MGST1: variants seen among roughly 807,000 people sequenced by gnomAD.
MGST1 encodes glutathione S-transferase 12.
MGST1 carries 5 observed loss-of-function variants against 8.9 expected under a neutral mutation model. The observed-to-expected ratio is 0.56, with a 90% confidence interval of 0.29 to 1.19. MGST1 has a LOEUF of 1.19. MGST1 is among the 50% of genes most tolerant of loss of function. MGST1 has a pLI of 0.08. For missense variants in MGST1, 182 were observed against 187.4 expected, an observed-to-expected ratio of 0.97 and a Z score of 0.17; for synonymous variants, 54 against 67.8, an observed-to-expected ratio of 0.80 and a Z score of 1.00.
chr12:16,480,210 T>C (rs908655637), intron 4 of MGST1, among the ~76,000 whole-genome samples: 4 of 150,378 alleles, frequency 2.7e-5, no homozygotes, highest in Non-Finnish European at 5.9e-5. Context: ...TGGCATGATC[T>C]CGGCTCACTG....
chr12:16,456,148 A>T (rs1941170306), intron 4 of MGST1, among the ~76,000 whole-genome samples: 1 of 151,858 alleles, frequency 6.6e-6, no homozygotes, highest in Non-Finnish European at 1.5e-5. Flanking sequence ...CTATAATTTT[A>T]AAATAAAAAA....
intron 4 of MGST1, chr12:16,514,506 C>CA (rs1941598770): frequency 3.8e-6 from 1 of 261,174 alleles, no homozygotes; most frequent in Non-Finnish European, 7.7e-6. Context: ...CATCACTGCC[C>CA]AAATTGACAT....
chr12:16,474,418 A>G (rs961378265), intron 4 of MGST1, among the ~76,000 whole-genome samples: 1 of 152,210 alleles, frequency 6.6e-6, no homozygotes, highest in Non-Finnish European at 1.5e-5. Flanking sequence ...CATATTAGAA[A>G]ACCTTTGTGC....
intron 4 of MGST1, among the ~76,000 whole-genome samples, chr12:16,461,397 A>C (rs958115449): frequency 6.6e-6 from 1 of 152,198 alleles, no homozygotes; most frequent in African/African-American, 2.4e-5. Flanking sequence ...ACATCATTCC[A>C]AACAGTTTAT....
At chr12:16,519,645 C>T (rs1454756122) in intron 4 of MGST1, among the ~76,000 whole-genome samples, 2 of 970 alleles carry the variant, frequency 2.1e-3, no homozygotes, top group African/African-American at 2.8e-3. Context: ...AAATAGACTA[C>T]ATTTTTTTAC....
Position 16,453,263 on chromosome 12 carries a change from T to TA in MGST1, n.482+69660dup, listed in dbSNP as rs558344087. ...CTTTTAGACTTCAAAGAGAAGGAAA[T>TA]ATGTTTAGGACCTTCCTGATATAAA... On this transcript the variant is annotated intron_variant and non_coding_transcript_variant, in intron 4 of 4. Transcript: ENST00000538857. Among the ~76,000 whole-genome samples the TA allele has an allele frequency of 1.3e-3, 203 of 151,974 alleles. No homozygotes were observed. In the Middle Eastern group the frequency reaches 0.02, roughly 15 times the overall value.
At chr12:16,443,560 T>C (rs1941055064), downstream of MGST1, among the ~76,000 whole-genome samples, 2 of 151,872 alleles carry the variant, frequency 1.3e-5, no homozygotes, top group Admixed American at 6.6e-5. Context: ...TATTACAGTA[T>C]ACATTAAATT....
In MGST1 at chr12:16,587,998, G is replaced by T. The variant is rs530369721; in HGVS notation, n.483-1530G>T. On this transcript the variant is annotated intron_variant and non_coding_transcript_variant, in intron 4 of 4. Coordinates refer to the MGST1 transcript ENST00000538857. The surrounding 1 kb of genome is among the most constrained non-coding windows in gnomAD (Gnocchi z 4.3). Reference sequence around the variant, plus strand: ...TCCCTTTCTTTCAGATAATTACCCTGTCTTTCTCTTACGACTTCTTTCCCA... The same window carrying T: ...TCCCTTTCTTTCAGATAATTACCCTTTCTTTCTCTTACGACTTCTTTCCCA... Among the ~76,000 whole-genome samples, 4 of 152,042 alleles carry T rather than the reference G, an allele frequency of 2.6e-5. No homozygotes were observed. The highest frequency in any genetic ancestry group is 4.8e-5 in the African/African-American group (2 of 41,404).
chr12:16,527,805 T>C (rs1941696914), intron 4 of MGST1, among the ~76,000 whole-genome samples: 1 of 152,016 alleles, frequency 6.6e-6, no homozygotes, highest in South Asian at 2.1e-4. Context: ...TTTGCTGTGG[T>C]TGCTAATCCT....
chr12:16,547,560 A>G lies in MGST1; in HGVS notation n.483-41968A>G, dbSNP rs573096033. On this transcript the variant is annotated intron_variant and non_coding_transcript_variant, in intron 4 of 4. Transcript: ENST00000538857. This position sits in a 1 kb window ranked among gnomAD's most constrained non-coding sequence, Gnocchi z 4.6. ...AAGACATGTTAAAGTTATTTGATCT[A>G]GGCCAACCCTAAGTCTGCCCAACAG... Among the ~76,000 whole-genome samples, 1 of 152,260 alleles carries G rather than the reference A, an allele frequency of 6.6e-6. No individual in the cohort carries two copies. The highest frequency in any genetic ancestry group is 2.1e-4 in the South Asian group (1 of 4,832).
intron 4 of MGST1, among the ~76,000 whole-genome samples, chr12:16,480,566 A>G (rs1941357653): frequency 6.6e-6 from 1 of 152,248 alleles, no homozygotes; most frequent in Non-Finnish European, 1.5e-5. Flanking sequence ...TTAAAAGTCA[A>G]TAATAAAAAG....
At chr12:16,355,440 C>G (rs1026382504) in intron 2 of MGST1, among the ~76,000 whole-genome samples, 11 of 152,102 alleles carry the variant, frequency 7.2e-5, no homozygotes, top group African/African-American at 2.4e-4. Context: ...AACTCCTGAC[C>G]TCAGGTGATC....
downstream of MGST1, among the ~76,000 whole-genome samples, chr12:16,592,976 C>T (rs2137637739): frequency 6.6e-6 from 1 of 151,770 alleles, no homozygotes; most frequent in South Asian, 2.1e-4. Context: ...CTAAAATTAG[C>T]TTTTCCCTCT....
intron 1 of MGST1, among the ~76,000 whole-genome samples, chr12:16,436,622 AATT>A (rs1170888982): frequency 2.6e-5 from 4 of 152,016 alleles, no homozygotes; most frequent in Non-Finnish European, 5.9e-5. Flanking sequence ...TAATGATAAC[AATT>A]ATTATTAAAG....
rs746552871 is a variant in MGST1, at chr12:16,548,201, G to T, written n.483-41327G>T. ...AATAAATAGCGGTAAACGACCTAGC[G>T]CAGAGATCCTAAACATTACATTCAG... On this transcript the variant is annotated intron_variant and non_coding_transcript_variant, in intron 4 of 4. Coordinates refer to the MGST1 transcript ENST00000538857. The surrounding 1 kb of genome is among the most constrained non-coding windows in gnomAD (Gnocchi z 4.2). 6.6e-6 allele frequency among the ~76,000 whole-genome samples: 1 copy of T among 152,094 alleles called. No individual in the cohort carries two copies. The highest frequency in any genetic ancestry group is 1.5e-5 in the Non-Finnish European group (1 of 67,996).
At chr12:16,427,255 T>G (rs1940898937) in intron 1 of MGST1, among the ~76,000 whole-genome samples, 2 of 151,996 alleles carry the variant, frequency 1.3e-5, no homozygotes, top group Non-Finnish European at 2.9e-5. Flanking sequence ...GAGATACAGG[T>G]GATGAGTGGG....
At chr12:16,421,244 T>TC (rs1221569774) in intron 1 of MGST1, among the ~76,000 whole-genome samples, 1 of 152,036 alleles carries the variant, frequency 6.6e-6, no homozygotes, top group African/African-American at 2.4e-5. Flanking sequence ...TAGCCATATC[T>TC]CCCCCTACTG....
At chr12:16,522,894 C>G (rs184979519) in intron 4 of MGST1, among the ~76,000 whole-genome samples, 38 of 151,952 alleles carry the variant, frequency 2.5e-4, no homozygotes, top group Non-Finnish European at 4.7e-4. Context: ...TATCTCAAGA[C>G]AGTGCCTCAT....
chr12:16,385,231 G>A (rs1335400747), intron 1 of MGST1, among the ~76,000 whole-genome samples: 3 of 152,204 alleles, frequency 2.0e-5, no homozygotes, highest in African/African-American at 7.2e-5. Context: ...TGGAGAGGAG[G>A]AGAATCTTGA....
Sources: allele counts gnomAD v4.1 joint callset (sites outside exome capture counted in the v4.1 genomes callset), GRCh38; gene constraint gnomAD v4.1.1; non-coding constraint Gnocchi (gnomAD v3.1); transcripts MANE v1.5; gene names NCBI Gene and HGNC (gene_info 2026-07-23, HGNC 2026-07-21).